Variants in NCAM1 observed in about 807,000 individuals in gnomAD.
NCAM1 encodes antigen recognized by monoclonal antibody 5.1H11.
A neutral mutation model predicts 109.8 loss-of-function variants in NCAM1; 14 were observed. The observed-to-expected ratio is 0.13, with a 90% CI of 0.08 to 0.20. The LOEUF (loss-of-function observed/expected upper bound fraction) is 0.20, where lower values mean the gene tolerates loss of function less well. Among genes scored for constraint, NCAM1 ranks in the 10% least tolerant of loss-of-function variants. NCAM1 has a pLI of 1.00. For synonymous variants in NCAM1, 418 were observed against 442.9 expected (o/e 0.94, Z 0.70); for missense variants, 774 against 1,109.9 (o/e 0.70, Z 4.30).
intron 9 of NCAM1, among the ~76,000 whole-genome samples, chr11:113,222,941 G>A (rs782755754): frequency 6.6e-6 from 1 of 152,122 alleles, no homozygotes; most frequent in African/African-American, 2.4e-5. Flanking sequence ...TGGAGATGAA[G>A]ACCATAAGTC....
chr11:113,032,955 G>T (rs1255655557), intron 1 of NCAM1, among the ~76,000 whole-genome samples: 1 of 152,162 alleles, frequency 6.6e-6, no homozygotes, highest in African/African-American at 2.4e-5. Context: ...TAAATTTTCT[G>T]AGTCAGGTTC....
intron 1 of NCAM1, among the ~76,000 whole-genome samples, chr11:113,110,402 G>C (rs1227206664): frequency 1.3e-5 from 2 of 152,158 alleles, no homozygotes; most frequent in East Asian, 3.8e-4. Flanking sequence ...TTTATGCACT[G>C]ATCTTAAATG....
rs1950621926 is a variant in NCAM1, at chr11:112,963,316, C to T, written c.52+1652C>T. ...ACCGGGAGTGCTCCTGGTCCGGCCG[C>T]CCGTGCTCGCCCACTCTCGCCTCTT... On this transcript the variant is annotated intron_variant, in intron 1 of 19. Transcript: ENST00000316851. The surrounding 1 kb of genome is among the most constrained non-coding windows in gnomAD (Gnocchi z 4.6). 6.6e-6 allele frequency: 1 copy of T among 152,382 alleles called. No homozygotes were observed. Among genetic ancestry groups the T allele is most frequent in the South Asian group, 2.1e-4 (1 of 4,836 alleles). The allele number at this position is 152,382 out of a possible 1,614,324, so 9.4% of individuals were successfully genotyped here.
chr11:113,003,197 G>A (rs545319283), intron 1 of NCAM1, among the ~76,000 whole-genome samples: 2 of 152,330 alleles, frequency 1.3e-5, no homozygotes, highest in African/African-American at 4.8e-5. Context: ...CTTGTCCAGC[G>A]ATCTCTCTTT....
In NCAM1 at chr11:112,962,417, G is replaced by A. The variant is rs1275160714; in HGVS notation, c.52+753G>A. On this transcript the variant is annotated intron_variant, in intron 1 of 19. Coordinates refer to ENST00000316851, the MANE Select transcript of NCAM1 (RefSeq NM_181351.5). The surrounding 1 kb of genome is among the most constrained non-coding windows in gnomAD (Gnocchi z 5.6). Reference sequence around the variant, plus strand: ...TGCGGAGGGGCGGAGGGCGAGGAGGGCGTGATTGGGGCTGCCTGGTGTGTG... The same window carrying A: ...TGCGGAGGGGCGGAGGGCGAGGAGGACGTGATTGGGGCTGCCTGGTGTGTG... Among the ~76,000 whole-genome samples the A allele has an allele frequency of 6.6e-6, 1 of 151,908 alleles. No individual in the cohort carries two copies. The highest frequency in any genetic ancestry group is 1.5e-5 in the Non-Finnish European group (1 of 67,952).
intron 1 of NCAM1, among the ~76,000 whole-genome samples, chr11:113,022,199 C>T (rs568735627): frequency 1.3e-5 from 2 of 152,256 alleles, no homozygotes; most frequent in South Asian, 4.2e-4. Context: ...ACAAACACCT[C>T]GTTTGGGGCA....
intron 1 of NCAM1, among the ~76,000 whole-genome samples, chr11:113,007,799 A>G (rs923852137): frequency 3.3e-5 from 5 of 152,240 alleles, no homozygotes; most frequent in Admixed American, 2.0e-4. Context: ...TAGAGATGGT[A>G]TGACATGGAA....
Position 113,056,000 on chromosome 11 carries a change from TATATATATATATATATATATATATAAA to T in NCAM1, c.52+94347_52+94373del, listed in dbSNP as rs1377577893. ...TGTGATATATATATATATATATATA[TATATATATATATATATATATATATAAA>T]ATATATATATTATATATACACACAC... is the stretch of plus-strand genomic sequence containing the variant. On this transcript the variant is annotated intron_variant, in intron 1 of 19. Coordinates refer to ENST00000316851, the MANE Select transcript of NCAM1 (RefSeq NM_181351.5). Among the ~76,000 whole-genome samples the T allele has an allele frequency of 1.9e-3, 227 of 116,580 alleles. 4 individuals are homozygous for T. The highest frequency in any genetic ancestry group is 0.012 in the Admixed American group (142 of 12,044). The allele number at this position is 116,580 out of a possible 152,430, so 76.5% of individuals were successfully genotyped here.
chr11:113,258,835 G>C (rs1385317195), intron 16 of NCAM1, among the ~76,000 whole-genome samples: 1 of 152,118 alleles, frequency 6.6e-6, no homozygotes, highest in Non-Finnish European at 1.5e-5. Context: ...AAAAAGGAAA[G>C]ATCATAGTTT....
chr11:113,127,246 C>T (rs797037240), intron 1 of NCAM1, among the ~76,000 whole-genome samples: 2 of 152,120 alleles, frequency 1.3e-5, no homozygotes, highest in South Asian at 4.2e-4. Flanking sequence ...CAAAAGCTCT[C>T]CAGGTAATTC....
intron 15 of NCAM1, among the ~76,000 whole-genome samples, chr11:113,252,184 T>G (rs1555121456): frequency 6.6e-6 from 1 of 152,076 alleles, no homozygotes; most frequent in East Asian, 1.9e-4. Context: ...GAGGCCAAGG[T>G]GAGAGGATAG....
chr11:113,146,710 G>C (rs1463681421), intron 1 of NCAM1, among the ~76,000 whole-genome samples: 1 of 152,208 alleles, frequency 6.6e-6, no homozygotes, highest in African/African-American at 2.4e-5. Context: ...GGCAATGGTT[G>C]CTAGGCAGAG....
At chr11:112,961,719 C>A in intron 1 of NCAM1, 55 bp downstream of exon 1, 1 of 1,120,172 alleles carries the variant, frequency 8.9e-7, no homozygotes, top group Non-Finnish European at 1.3e-6. Flanking sequence ...CCCCTTCCTC[C>A]TACTCCTAGG....
At chr11:113,009,838 T>C (rs1952000806) in intron 1 of NCAM1, among the ~76,000 whole-genome samples, 1 of 152,122 alleles carries the variant, frequency 6.6e-6, no homozygotes, top group African/African-American at 2.4e-5. Flanking sequence ...GCAATGCTTA[T>C]GTTTTTGTGT....
intron 1 of NCAM1, among the ~76,000 whole-genome samples, chr11:113,148,282 C>G (rs1040164711): frequency 6.6e-6 from 1 of 151,986 alleles, no homozygotes; most frequent in African/African-American, 2.4e-5. Flanking sequence ...TGATAACAGG[C>G]CGCTGCCCTA....
rs550442763 is a variant in NCAM1, at chr11:113,062,699, C to T, written c.52+101035C>T. Among the ~76,000 whole-genome samples, 4 of 152,152 alleles carry T rather than the reference C, an allele frequency of 2.6e-5. No homozygotes were observed. The South Asian group carries it at 6.2e-4, about 24-fold the overall frequency. ...AAAAATTTAAAGTTTAGGCCAGGTG[C>T]GGTGGCTCATGCCTGTAATCTCAGC... On this transcript the variant is annotated intron_variant, in intron 1 of 19. Coordinates refer to ENST00000316851, the MANE Select transcript of NCAM1 (RefSeq NM_181351.5).
At chr11:113,100,727 G>A (rs1555091352) in intron 1 of NCAM1, among the ~76,000 whole-genome samples, 1 of 152,146 alleles carries the variant, frequency 6.6e-6, no homozygotes, top group Admixed American at 6.5e-5. Flanking sequence ...GGTAGAAGAT[G>A]TGGGGGGGTG....
intron 1 of NCAM1, among the ~76,000 whole-genome samples, chr11:113,023,332 G>T (rs371256955): frequency 1.3e-5 from 2 of 152,190 alleles, no homozygotes; most frequent in East Asian, 1.9e-4. Context: ...AAGCCAAAAG[G>T]AAAGATGTAG....
chr11:112,979,993 A>G (rs1215630205), intron 1 of NCAM1, among the ~76,000 whole-genome samples: 1 of 151,834 alleles, frequency 6.6e-6, no homozygotes, highest in African/African-American at 2.4e-5. Flanking sequence ...CACTCATTAA[A>G]TAAGGAATAG....
Sources: gnomAD v4.1 joint callset for allele counts (sites outside exome capture counted in the v4.1 genomes callset) on GRCh38, gnomAD v4.1.1 for gene constraint, Gnocchi (gnomAD v3.1) non-coding constraint, MANE v1.5 for transcripts, NCBI Gene and HGNC (gene_info 2026-07-23, HGNC 2026-07-21) for gene names.